OSBP2: variants seen among roughly 807,000 people sequenced by gnomAD.
The protein encoded by OSBP2 is oxysterol binding protein 2.
A neutral mutation model predicts 96.0 loss-of-function variants in OSBP2; 66 were observed. The observed-to-expected ratio is 0.69, with a 90% CI of 0.56 to 0.84. OSBP2 has a LOEUF of 0.84. Among genes scored for constraint, OSBP2 ranks in the 40% least tolerant of loss-of-function variants. OSBP2 has a pLI of 0.00. For synonymous variants in OSBP2, 525 were observed against 520.9 expected, an observed-to-expected ratio of 1.01 and a Z score of -0.11; for missense variants, 1,038 against 1,222.7, an observed-to-expected ratio of 0.85 and a Z score of 2.25.
chr22:30,812,275 C>A (rs1404110504), intron 2 of OSBP2, among the ~76,000 whole-genome samples: 2 of 152,180 alleles, frequency 1.3e-5, no homozygotes, highest in African/African-American at 4.8e-5. Context: ...AAGTGATTCT[C>A]CTGCCTCAGC....
chr22:30,811,485 A>G (rs1371789738), intron 2 of OSBP2, among the ~76,000 whole-genome samples: 1 of 151,598 alleles, frequency 6.6e-6, no homozygotes, highest in Admixed American at 6.6e-5. Flanking sequence ...AGCTAGGATT[A>G]CAGGCATGCA....
rs1602227723 is a variant in OSBP2, at chr22:30,761,412, T to C, written c.853+20043T>C. ...AACAAATATAGTATCTATATGTAAATAGTGTTAAATACTGATGAAATAGAA... is the reference window on the plus strand; with the variant it reads ...AACAAATATAGTATCTATATGTAAACAGTGTTAAATACTGATGAAATAGAA... On this transcript the variant is annotated intron_variant, in intron 2 of 13. Transcript: ENST00000332585. 2.0e-5 allele frequency among the ~76,000 whole-genome samples: 3 copies of C among 152,262 alleles called. No individual in the cohort carries two copies. In the South Asian group the frequency reaches 6.2e-4, roughly 32 times the overall value.
intron 2 of OSBP2, among the ~76,000 whole-genome samples, chr22:30,786,303 G>A (rs2090589824): frequency 6.6e-6 from 1 of 152,110 alleles, no homozygotes. Flanking sequence ...GATTTCAGGT[G>A]TGAACCACTG....
chr22:30,765,995 G>A (rs991128077), intron 2 of OSBP2, among the ~76,000 whole-genome samples: 5 of 152,202 alleles, frequency 3.3e-5, no homozygotes, highest in African/African-American at 1.2e-4. Flanking sequence ...AGCATTTTGG[G>A]AGGCTGTAGT....
intron 2 of OSBP2, among the ~76,000 whole-genome samples, chr22:30,828,944 T>C (rs557802776): frequency 1.3e-5 from 2 of 152,194 alleles, no homozygotes; most frequent in South Asian, 2.1e-4. Context: ...AAGAGGGTCA[T>C]GATGGGGCAG....
rs187601753 is a variant in OSBP2, at chr22:30,890,311, T to A, written c.1624-417T>A. 0.013 allele frequency among the ~76,000 whole-genome samples: 1,920 copies of A among 151,068 alleles called. 54 individuals carry two copies. The highest frequency in any genetic ancestry group is 0.045 in the African/African-American group (1,847 of 41,064). On this transcript the variant is annotated intron_variant, in intron 7 of 13. Coordinates refer to ENST00000332585, the MANE Select transcript of OSBP2 (RefSeq NM_030758.4). This position sits in a 1 kb window ranked among gnomAD's most constrained non-coding sequence, Gnocchi z 4.4. ...TAGGGGCCTTGGGCCTAACCCATCC[T>A]GTGCCGGGCCCCATCACAGCTCGCA...
chr22:30,738,801 A>G lies in OSBP2; in HGVS notation c.645-2360A>G, dbSNP rs377250965. 3.3e-5 allele frequency among the ~76,000 whole-genome samples: 5 copies of G among 152,248 alleles called. No homozygotes were observed. In the South Asian group the frequency reaches 8.3e-4, roughly 25 times the overall value. On this transcript the variant is annotated intron_variant, in intron 1 of 13. Coordinates refer to ENST00000332585, the MANE Select transcript of OSBP2 (RefSeq NM_030758.4). ...GGTCACAATCTCCTCACCTCAAGTG[A>G]TCCACCTGCCTCCTCCTCCCAAAGT...
chr22:30,887,689 G>GC, intron 4 of OSBP2, 71 bp downstream of exon 4: 3 of 1,288,146 alleles, frequency 2.3e-6, no homozygotes, highest in Non-Finnish European at 3.2e-6. Context: ...CAACTTCTGC[G>GC]CCCCCACATG....
At chr22:30,785,688 G>T (rs1408508229) in intron 2 of OSBP2, among the ~76,000 whole-genome samples, 1 of 151,902 alleles carries the variant, frequency 6.6e-6, no homozygotes, top group African/African-American at 2.4e-5. Context: ...ATCTCAAATT[G>T]TAATCCCCAC....
chr22:30,696,131 G>A (rs1014295206), intron 1 of OSBP2, among the ~76,000 whole-genome samples: 2 of 152,230 alleles, frequency 1.3e-5, no homozygotes, highest in Non-Finnish European at 2.9e-5. Context: ...GGCATTTTGC[G>A]GAGAGCTAGG....
rs2088998682 is a variant in OSBP2 at position 30,694,975 on chromosome 22, G to T, written c.66G>T (p.Ser22=). ...GCGGRSRGLS[S]LFTVVPCLSC... Reference sequence around the variant, plus strand: ...GCGGCCGCTCCCGCGGGCTCTCGTCGCTGTTCACGGTTGTCCCCTGCCTGT... The same window carrying T: ...GCGGCCGCTCCCGCGGGCTCTCGTCTCTGTTCACGGTTGTCCCCTGCCTGT... Residue 22 remains serine (S), a synonymous_variant, in exon 1 of 14, where the codon TCG becomes TCT. Transcript: ENST00000332585. 1 of 1,519,012 alleles carries T rather than the reference G, an allele frequency of 6.6e-7. No homozygotes were observed. Among genetic ancestry groups the T allele is most frequent in the Middle Eastern group, 2.1e-4 (1 of 4,724 alleles). 94.1% of individuals were successfully genotyped at this position (1,519,012 alleles called of 1,614,324 possible).
intron 1 of OSBP2, among the ~76,000 whole-genome samples, chr22:30,729,473 A>C (rs1031062709): frequency 1.3e-5 from 2 of 152,112 alleles, no homozygotes; most frequent in African/African-American, 4.8e-5. Flanking sequence ...CCCCGTCTCT[A>C]CTAAAAATAC....
chr22:30,829,348 C>T (rs780689409), intron 2 of OSBP2, among the ~76,000 whole-genome samples: 15 of 152,206 alleles, frequency 9.9e-5, no homozygotes, highest in African/African-American at 3.1e-4. Flanking sequence ...GCTGCAGTGC[C>T]GTGGTGCAAT....
At position 30,718,784 on chromosome 22, in the gene OSBP2, A is replaced by C. The variant is rs574350818; in HGVS notation, c.645-22377A>C. On this transcript the variant is annotated intron_variant, in intron 1 of 13. Transcript: ENST00000332585. ...CTGCCAGTACTAACAGATTTGTTGCAGAAATGGCCTGGGCCCTTGCTCCTG... is the reference window on the plus strand; with the variant it reads ...CTGCCAGTACTAACAGATTTGTTGCCGAAATGGCCTGGGCCCTTGCTCCTG... 6.6e-5 allele frequency among the ~76,000 whole-genome samples: 10 copies of C among 152,186 alleles called. No individual in the cohort carries two copies. The South Asian group carries it at 2.1e-3, about 32-fold the overall frequency.
intron 2 of OSBP2, among the ~76,000 whole-genome samples, chr22:30,849,901 A>G (rs913513757): frequency 2.0e-5 from 3 of 152,222 alleles, no homozygotes; most frequent in African/African-American, 7.2e-5. Context: ...ATGGGGTGAC[A>G]TAGTTGTCAA....
At position 30,890,805 on chromosome 22, in the gene OSBP2, A is replaced by G. The variant is rs545492999; in HGVS notation, c.1701A>G (p.Ala567=). The G allele has an allele frequency of 1.2e-5, 19 of 1,613,694 alleles. No individual in the cohort carries two copies. In the South Asian group the frequency reaches 1.8e-4, roughly 15 times the overall value. ...AGTACCACCACCTGCTGGACAAGGC[A>G]GTGCACTGCACCAGCTCAGTGGAGC... ...DLEYHHLLDK[A]VHCTSSVEQM... The change falls in exon 8 of 14, where the codon GCA becomes GCG. Residue 567 remains alanine (A), a synonymous_variant. Transcript: ENST00000332585. The surrounding 1 kb of genome is among the most constrained non-coding windows in gnomAD (Gnocchi z 4.4).
intron 2 of OSBP2, among the ~76,000 whole-genome samples, chr22:30,868,212 G>C (rs1378492201): frequency 5.3e-5 from 8 of 152,278 alleles, no homozygotes; most frequent in African/African-American, 1.9e-4. Flanking sequence ...GAGAAAGGGA[G>C]GCTTGTGAGC....
chr22:30,736,713 C>T (rs892486108), intron 1 of OSBP2, among the ~76,000 whole-genome samples: 2 of 152,194 alleles, frequency 1.3e-5, no homozygotes, highest in Admixed American at 1.3e-4. Context: ...AAACTAACAT[C>T]ATTATAATAC....
chr22:30,822,483 G>T, intron 2 of OSBP2: 1 of 1,140,098 alleles, frequency 8.8e-7, no homozygotes, highest in African/African-American at 1.8e-5. Flanking sequence ...GGGCGGCAGT[G>T]GTGCATTGTG....
Sources: gnomAD v4.1 joint callset for allele counts (sites outside exome capture counted in the v4.1 genomes callset) on GRCh38, gnomAD v4.1.1 for gene constraint, Gnocchi (gnomAD v3.1) non-coding constraint, MANE v1.5 for transcripts, NCBI Gene and HGNC (gene_info 2026-07-23, HGNC 2026-07-21) for gene names.